The following ARL15 variants were observed in gnomAD, a reference collection of about 807,000 sequenced individuals.
The protein encoded by ARL15 is ARF like GTPase 15.
Under a neutral mutation model 25.2 loss-of-function variants are expected in ARL15, and 19 were observed. The ratio of observed to expected loss-of-function variants is 0.75; its 90% CI spans 0.53 to 1.10. The LOEUF (loss-of-function observed/expected upper bound fraction) is 1.10. Ranked by LOEUF, ARL15 falls within the 50% of genes least tolerant of loss-of-function variation. ARL15 has a pLI of 0.00. For missense variants in ARL15, 220 were observed against 246.0 expected (o/e 0.89, Z 0.71); for synonymous variants, 94 against 86.8 (o/e 1.08, Z -0.46).
chr5:54,123,390 T>C (rs1753150109), intron 3 of ARL15, among the ~76,000 whole-genome samples: 1 of 152,206 alleles, frequency 6.6e-6, no homozygotes, highest in African/African-American at 2.4e-5. Flanking sequence ...ATTACAGGCG[T>C]GAGCCAACGC....
intron 1 of ARL15, among the ~76,000 whole-genome samples, chr5:54,255,781 C>T (rs563271372): frequency 3.3e-5 from 5 of 152,128 alleles, no homozygotes; most frequent in Non-Finnish European, 7.4e-5. Context: ...CAAAACTACA[C>T]AAATACCTGG....
chr5:53,886,162 A>C lies in ARL15; in HGVS notation c.*399T>G, dbSNP rs1359659984. On this transcript the variant is annotated 3_prime_UTR_variant, in exon 5 of 5. Coordinates refer to ENST00000504924, the MANE Select transcript of ARL15 (RefSeq NM_019087.3). ...TATTTTGTGGAGTCCCAGTCACATA[A>C]TACTCCACTCCCAAACCCAGAGAAA... 1 of 154,264 alleles carries C rather than the reference A, an allele frequency of 6.5e-6. No homozygotes were observed. The highest frequency in any genetic ancestry group is 2.4e-5 in the African/African-American group (1 of 41,516). The allele number at this position is 154,264 out of a possible 1,614,324, so 9.6% of individuals were successfully genotyped here. A position where few individuals can be genotyped will look rare whatever the true frequency, so the allele number is the denominator to read the frequency against.
chr5:54,090,371 G>A (rs1191051026), intron 4 of ARL15, among the ~76,000 whole-genome samples: 2 of 151,800 alleles, frequency 1.3e-5, no homozygotes, highest in East Asian at 1.9e-4. Context: ...AATATAAGAT[G>A]GCTATTACAT....
chr5:54,193,694 T>C (rs1755469080), intron 1 of ARL15, among the ~76,000 whole-genome samples: 1 of 151,284 alleles, frequency 6.6e-6, no homozygotes, highest in Non-Finnish European at 1.5e-5. Flanking sequence ...TGTGCTCTAA[T>C]CTATTCCTAT....
chr5:54,161,425 T>C (rs1754397769), intron 2 of ARL15, among the ~76,000 whole-genome samples: 2 of 152,180 alleles, frequency 1.3e-5, no homozygotes, highest in African/African-American at 2.4e-5. Flanking sequence ...TCACCTGTAA[T>C]ACATGTGCAT....
At chr5:54,049,712 TACC>T (rs1285510263) in intron 4 of ARL15, among the ~76,000 whole-genome samples, 2 of 151,702 alleles carry the variant, frequency 1.3e-5, no homozygotes, top group Non-Finnish European at 2.9e-5. Context: ...GCAATCCTCC[TACC>T]ACCACCACGC....
chr5:54,236,845 T>G (rs1436985922), intron 1 of ARL15, among the ~76,000 whole-genome samples: 1 of 152,228 alleles, frequency 6.6e-6, no homozygotes, highest in Non-Finnish European at 1.5e-5. Context: ...CACCAGAGCA[T>G]GCTGAACCTT....
At chr5:54,204,634 A>C (rs903471589) in intron 1 of ARL15, among the ~76,000 whole-genome samples, 39 of 152,216 alleles carry the variant, frequency 2.6e-4, no homozygotes, top group Non-Finnish European at 5.0e-4. Context: ...TAAAGTTTCC[A>C]GTCAAGTCTT....
chr5:54,265,773 T>G (rs1033858286), intron 1 of ARL15, among the ~76,000 whole-genome samples: 1 of 152,166 alleles, frequency 6.6e-6, no homozygotes, highest in African/African-American at 2.4e-5. Flanking sequence ...TAGACAGACA[T>G]ACTTAAAGAA....
chr5:53,922,803 G>A (rs149268944), intron 4 of ARL15, among the ~76,000 whole-genome samples: 2 of 152,182 alleles, frequency 1.3e-5, no homozygotes, highest in African/African-American at 4.8e-5. Flanking sequence ...GCTGACAACT[G>A]AGCTGTGTAG....
chr5:53,913,088 C>G (rs1035205378), intron 4 of ARL15, among the ~76,000 whole-genome samples: 1 of 152,084 alleles, frequency 6.6e-6, no homozygotes, highest in Non-Finnish European at 1.5e-5. Flanking sequence ...TCACTTGAGG[C>G]CGGACTTCAA....
chr5:53,960,505 C>T (rs7705544), intron 4 of ARL15, among the ~76,000 whole-genome samples: 1 of 152,166 alleles, frequency 6.6e-6, no homozygotes, highest in African/African-American at 2.4e-5. Context: ...GATGTAGAGA[C>T]AGCTTGTCCT....
At chr5:53,946,401 G>A (rs1746730258) in intron 4 of ARL15, among the ~76,000 whole-genome samples, 1 of 125,308 alleles carries the variant, frequency 8.0e-6, no homozygotes, top group Non-Finnish European at 1.6e-5. Flanking sequence ...AGTGAGCTGA[G>A]ATCACACCAC....
intron 3 of ARL15, among the ~76,000 whole-genome samples, chr5:54,148,501 A>T (rs1379487662): frequency 6.6e-6 from 1 of 152,206 alleles, no homozygotes; most frequent in Non-Finnish European, 1.5e-5. Flanking sequence ...TATTACCCTA[A>T]AAAAGTTGTC....
intron 4 of ARL15, among the ~76,000 whole-genome samples, chr5:54,029,357 C>T (rs1195334122): frequency 1.4e-4 from 20 of 138,540 alleles, no homozygotes; most frequent in African/African-American, 3.0e-4. Flanking sequence ...CCACCACCAC[C>T]ACCACCACCA....
At chr5:53,896,546 T>C (rs1257479008) in intron 4 of ARL15, among the ~76,000 whole-genome samples, 3 of 152,128 alleles carry the variant, frequency 2.0e-5, no homozygotes, top group African/African-American at 7.2e-5. Flanking sequence ...CAGGCTGTAT[T>C]GCCATGGCAT....
At chr5:54,154,501 G>C in intron 3 of ARL15, 79 bp downstream of exon 3, 1 of 873,148 alleles carries the variant, frequency 1.1e-6, no homozygotes, top group Non-Finnish European at 1.7e-6. Context: ...TTATCATTAT[G>C]TTTGAATTAC....
chr5:54,268,618 A>G (rs1468397410), intron 1 of ARL15, among the ~76,000 whole-genome samples: 2 of 152,084 alleles, frequency 1.3e-5, no homozygotes, highest in African/African-American at 2.4e-5. Context: ...TTGGTCTTTG[A>G]TGATGGTGAT....
intron 4 of ARL15, among the ~76,000 whole-genome samples, chr5:53,895,140 G>A (rs1051950652): frequency 5.9e-5 from 9 of 152,166 alleles, no homozygotes; most frequent in Non-Finnish European, 1.5e-5. Context: ...GTAGCCTTCT[G>A]CTTTGTCTAG....
Sources: allele counts gnomAD v4.1 joint callset (sites outside exome capture counted in the v4.1 genomes callset), GRCh38; gene constraint gnomAD v4.1.1; transcripts MANE v1.5; gene names NCBI Gene and HGNC (gene_info 2026-07-23, HGNC 2026-07-21).